FAT3: variants seen among roughly 807,000 people sequenced by gnomAD.
FAT3 encodes protocadherin Fat 3.
In FAT3, 95 loss-of-function variants were observed where a neutral mutation model predicts 310.2. The observed-to-expected ratio is 0.31, with a 90% confidence interval of 0.26 to 0.36. FAT3 has a LOEUF of 0.36. FAT3 is among the 10% of genes least tolerant of loss of function. The pLI, the probability that FAT3 is intolerant of heterozygous loss-of-function variation, is 1.00. For missense variants in FAT3, 5,408 were observed against 5,715.6 expected (o/e 0.95, Z 1.74); for synonymous variants, 2,314 against 2,192.9 (o/e 1.06, Z -1.54).
intron 3 of FAT3, among the ~76,000 whole-genome samples, chr11:92,625,542 C>A (rs1361673677): frequency 2.0e-5 from 3 of 152,202 alleles, no homozygotes; most frequent in African/African-American, 2.4e-5. Context: ...GAGCACCCAA[C>A]AAAGCTCACA....
intron 3 of FAT3, among the ~76,000 whole-genome samples, chr11:92,599,539 T>C (rs1279213829): frequency 1.3e-5 from 2 of 152,126 alleles, no homozygotes; most frequent in African/African-American, 4.8e-5. Flanking sequence ...AGAAATTGTC[T>C]CACATCCTAG....
intron 3 of FAT3, among the ~76,000 whole-genome samples, chr11:92,603,744 C>T (rs1450059691): frequency 6.6e-6 from 1 of 152,098 alleles, no homozygotes; most frequent in Non-Finnish European, 1.5e-5. Context: ...TGTAAACAGT[C>T]CACCAGATTG....
At chr11:92,825,252 C>A (rs1948073293) in intron 13 of FAT3, among the ~76,000 whole-genome samples, 1 of 152,150 alleles carries the variant, frequency 6.6e-6, no homozygotes, top group African/African-American at 2.4e-5. Context: ...TTCTGCGGTT[C>A]AACATTCATT....
rs1228224034 is a variant in FAT3 at position 92,797,997 on chromosome 11, A to G, written c.4984A>G (p.Thr1662Ala). The G allele has an allele frequency of 6.2e-7, 1 of 1,613,932 alleles. No individual in the cohort carries two copies. Among genetic ancestry groups the G allele is most frequent in the Non-Finnish European group, 8.5e-7 (1 of 1,179,862 alleles). The change falls in exon 10 of 28, where the codon ACC becomes GCC. Residue 1662 changes from threonine (T) to alanine (A), a missense_variant. Thr to Ala is a moderately conservative substitution (Grantham distance 58, BLOSUM62 0). Transcript: ENST00000525166. ...TACTGCAATTGTGCGCATTTCCGTC[A>G]CCATGTCTGACAATTCTCACCCCAA... ...SATAIVRISV[T>A]MSDNSHPKFI...
chr11:92,589,067 G>A (rs1225743182), intron 3 of FAT3, among the ~76,000 whole-genome samples: 5 of 151,992 alleles, frequency 3.3e-5, no homozygotes, highest in Non-Finnish European at 2.9e-5. Flanking sequence ...TTTCTTTATG[G>A]TGAGCCCCAC....
At chr11:92,792,157 C>T (rs1480565602) in intron 8 of FAT3, among the ~76,000 whole-genome samples, 2 of 152,120 alleles carry the variant, frequency 1.3e-5, no homozygotes, top group East Asian at 1.9e-4. Context: ...CACTATTCTG[C>T]GAGCATCTTT....
intron 2 of FAT3, among the ~76,000 whole-genome samples, chr11:92,494,235 G>C (rs1952689560): frequency 6.6e-6 from 1 of 151,862 alleles, no homozygotes; most frequent in African/African-American, 2.4e-5. Flanking sequence ...CCTCACACCA[G>C]GGTCCCTCCC....
intron 4 of FAT3, among the ~76,000 whole-genome samples, chr11:92,741,104 A>G (rs1752809652): frequency 6.6e-6 from 1 of 152,170 alleles, no homozygotes; most frequent in Non-Finnish European, 1.5e-5. Context: ...GCAGTGGCAC[A>G]TATCATAGCT....
chr11:92,447,026 T>C (rs935056658), intron 2 of FAT3, among the ~76,000 whole-genome samples: 7 of 152,166 alleles, frequency 4.6e-5, no homozygotes, highest in African/African-American at 1.4e-4. Context: ...GTCAAAAATT[T>C]ACCTCTAAAT....
rs753611816 is a variant in FAT3 at position 92,805,299 on chromosome 11, G to T, written c.9043G>T (p.Val3015Leu). 1 of 1,613,814 alleles carries T rather than the reference G, an allele frequency of 6.2e-7. No individual in the cohort carries two copies. Among genetic ancestry groups the T allele is most frequent in the Non-Finnish European group, 8.5e-7 (1 of 1,179,818 alleles). ...TGGGCTTTTTGTCACACAGGCCATGGTGGAAGTGAGCGTCAGTGATGTGAA... is the reference window on the plus strand; with the variant it reads ...TGGGCTTTTTGTCACACAGGCCATGTTGGAAGTGAGCGTCAGTGATGTGAA... ...TDGLFVTQAM[V>L]EVSVSDVNDN... Residue 3015 changes from valine (V) to leucine (L), a missense_variant, in exon 11 of 28, where the codon GTG becomes TTG. By Grantham distance (32) the Val-to-Leu change is conservative (BLOSUM62 1). Around this residue, in one of 5 missense-constraint regions of FAT3, gnomAD observed 4,588 missense variants for 4,809.8 expected, o/e 0.95. Transcript: ENST00000525166.
intron 1 of FAT3, among the ~76,000 whole-genome samples, chr11:92,345,007 C>A (rs1372207358): frequency 1.3e-5 from 2 of 152,078 alleles, no homozygotes; most frequent in Admixed American, 1.3e-4. Context: ...CTTTAAGAAA[C>A]CTCTTTATCT....
intron 3 of FAT3, among the ~76,000 whole-genome samples, chr11:92,567,890 G>C (rs567900650): frequency 2.0e-5 from 3 of 147,406 alleles, no homozygotes; most frequent in African/African-American, 7.5e-5. Context: ...GGGGACTGTT[G>C]TGGGGTTGGG....
chr11:92,477,129 T>G (rs1341512179), intron 2 of FAT3, among the ~76,000 whole-genome samples: 1 of 152,264 alleles, frequency 6.6e-6, no homozygotes, highest in Admixed American at 6.5e-5. Context: ...ATAAATGGTC[T>G]TTTGTTTATT....
At chr11:92,320,984 C>G (rs909158447) in intron 1 of FAT3, among the ~76,000 whole-genome samples, 12 of 151,862 alleles carry the variant, frequency 7.9e-5, no homozygotes, top group African/African-American at 2.9e-4. Flanking sequence ...TTGCTTTGTT[C>G]TGTCACTTTC....
At chr11:92,608,918 C>T (rs1474185665) in intron 3 of FAT3, among the ~76,000 whole-genome samples, 1 of 152,080 alleles carries the variant, frequency 6.6e-6, no homozygotes, top group South Asian at 2.1e-4. Flanking sequence ...CATGCCCAGG[C>T]TTCTGGAGGC....
At chr11:92,538,171 G>A (rs1407797088) in intron 3 of FAT3, among the ~76,000 whole-genome samples, 1 of 152,046 alleles carries the variant, frequency 6.6e-6, no homozygotes, top group East Asian at 1.9e-4. Flanking sequence ...TATAAAAATT[G>A]CCAACAATTC....
intron 1 of FAT3, among the ~76,000 whole-genome samples, chr11:92,235,437 G>A (rs1235531769): frequency 2.0e-5 from 3 of 152,168 alleles, no homozygotes; most frequent in Non-Finnish European, 4.4e-5. Flanking sequence ...GCCTTGTAAT[G>A]AAATTACCTG....
At chr11:92,349,555 C>T (rs1202242524) in intron 1 of FAT3, among the ~76,000 whole-genome samples, 1 of 152,158 alleles carries the variant, frequency 6.6e-6, no homozygotes, top group African/African-American at 2.4e-5. Context: ...CAGAAAACCC[C>T]AAATGTATCA....
At chr11:92,601,211 T>G (rs1591506782) in intron 3 of FAT3, among the ~76,000 whole-genome samples, 2 of 148,372 alleles carry the variant, frequency 1.3e-5, no homozygotes, top group South Asian at 2.1e-4. Flanking sequence ...CAGGCAGGAG[T>G]GGAGATGAGA....
Sources: allele counts gnomAD v4.1 joint callset (sites outside exome capture counted in the v4.1 genomes callset), GRCh38; gene constraint gnomAD v4.1.1; regional missense constraint gnomAD v4.1.1; transcripts MANE v1.5; gene names NCBI Gene and HGNC (gene_info 2026-07-23, HGNC 2026-07-21).